KLHL2: variants seen among roughly 807,000 people sequenced by gnomAD.
The protein encoded by KLHL2 is kelch-like protein 2.
A neutral mutation model predicts 75.8 loss-of-function variants in KLHL2; 15 were observed. The ratio of observed to expected loss-of-function variants is 0.20; its 90% CI spans 0.13 to 0.30. The LOEUF is 0.30. Ranked by LOEUF, KLHL2 falls within the 10% of genes least tolerant of loss-of-function variation. The pLI, the probability that KLHL2 is intolerant of heterozygous loss-of-function variation, is 1.00. For missense variants in KLHL2, 381 were observed against 741.0 expected (o/e 0.51, Z 5.64); for synonymous variants, 214 against 251.9 (o/e 0.85, Z 1.42).
rs1252585490 is a variant in KLHL2 at position 165,259,742 on chromosome 4, T to C, written c.382-3455T>C. Among the ~76,000 whole-genome samples the C allele has an allele frequency of 3.3e-5, 5 of 152,222 alleles. No individual in the cohort carries two copies. In the South Asian group the frequency reaches 8.3e-4, roughly 25 times the overall value. On this transcript the variant is annotated intron_variant, in intron 4 of 14. Coordinates refer to ENST00000226725, the MANE Select transcript of KLHL2 (RefSeq NM_007246.4). ...GACAGTGTTGGAGATTTAGAAATTA[T>C]ACAAATACTTCCATTCTGCACCTAA... is the stretch of plus-strand genomic sequence containing the variant.
At chr4:165,223,839 A>G (rs1336966317) in intron 2 of KLHL2, 1 of 265,786 alleles carries the variant, frequency 3.8e-6, no homozygotes, top group Admixed American at 5.1e-5. Context: ...AGATCTTCAC[A>G]GAATGCTTAT....
chr4:165,240,030 A>G (rs1270201881), intron 4 of KLHL2, among the ~76,000 whole-genome samples: 1 of 152,218 alleles, frequency 6.6e-6, no homozygotes, highest in Non-Finnish European at 1.5e-5. Flanking sequence ...AAAACAGTGC[A>G]ATGAGTGAAC....
At chr4:165,245,716 G>A (rs376992335) in intron 4 of KLHL2, among the ~76,000 whole-genome samples, 2,285 of 152,216 alleles carry the variant, frequency 0.015, 59 homozygotes, top group African/African-American at 0.051. Flanking sequence ...GTTTAGGACC[G>A]AATTGAACTG....
Position 165,319,739 on chromosome 4 carries a change from A to G in KLHL2, c.1753+1770A>G, listed in dbSNP as rs1443810771. ...CAGATTCAAACGATTCTCATGCCTC[A>G]GCTTCCTGAGTAGCTGGGATTACAG... On this transcript the variant is annotated intron_variant, in intron 14 of 14. Coordinates refer to ENST00000226725, the MANE Select transcript of KLHL2 (RefSeq NM_007246.4). The surrounding 1 kb of genome is among the most constrained non-coding windows in gnomAD (Gnocchi z 4.5). Among the ~76,000 whole-genome samples, 1 of 152,196 alleles carries G rather than the reference A, an allele frequency of 6.6e-6. No individual in the cohort carries two copies. The highest frequency in any genetic ancestry group is 1.5e-5 in the Non-Finnish European group (1 of 68,034).
chr4:165,309,824 C>T (rs564041743), intron 9 of KLHL2, among the ~76,000 whole-genome samples: 1 of 152,236 alleles, frequency 6.6e-6, no homozygotes, highest in South Asian at 2.1e-4. Flanking sequence ...AGCCCACTAA[C>T]ATGATAAACT....
At chr4:165,240,684 G>A (rs540740480) in intron 4 of KLHL2, among the ~76,000 whole-genome samples, 2 of 152,150 alleles carry the variant, frequency 1.3e-5, no homozygotes, top group South Asian at 4.1e-4. Flanking sequence ...GTTTATCTTG[G>A]TTTCTTTTTG....
chr4:165,292,861 A>T (rs910549691), intron 5 of KLHL2, among the ~76,000 whole-genome samples: 2 of 152,212 alleles, frequency 1.3e-5, no homozygotes, highest in African/African-American at 4.8e-5. Context: ...AAATTAACCT[A>T]GATTTTCTAG....
At chr4:165,211,350 TA>T (rs1483645745) in intron 1 of KLHL2, among the ~76,000 whole-genome samples, 1 of 152,222 alleles carries the variant, frequency 6.6e-6, no homozygotes, top group East Asian at 1.9e-4. Context: ...GGATTGTCTT[TA>T]AATTTAAAAA....
chr4:165,251,970 T>C (rs1740772265), intron 4 of KLHL2, among the ~76,000 whole-genome samples: 1 of 152,208 alleles, frequency 6.6e-6, no homozygotes, highest in African/African-American at 2.4e-5. Flanking sequence ...GAAGCGTTAG[T>C]AATTGAGTTA....
chr4:165,223,025 A>C (rs1345809743), intron 2 of KLHL2, among the ~76,000 whole-genome samples: 1 of 152,266 alleles, frequency 6.6e-6, no homozygotes, highest in Non-Finnish European at 1.5e-5. Flanking sequence ...AAGTTACAGA[A>C]TTAAAATTGT....
chr4:165,302,449 A>G (rs1464089703), intron 8 of KLHL2, among the ~76,000 whole-genome samples: 1 of 152,222 alleles, frequency 6.6e-6, no homozygotes, highest in African/African-American at 2.4e-5. Context: ...CAAGGTTTTG[A>G]TAATATTTTA....
At chr4:165,261,199 A>T (rs1179940099) in intron 4 of KLHL2, among the ~76,000 whole-genome samples, 1 of 152,246 alleles carries the variant, frequency 6.6e-6, no homozygotes, top group Admixed American at 6.5e-5. Flanking sequence ...GCGCAATTAC[A>T]CTGGCATGGA....
intron 13 of KLHL2, among the ~76,000 whole-genome samples, chr4:165,316,189 C>G (rs1746576078): frequency 6.6e-6 from 1 of 152,166 alleles, no homozygotes. Flanking sequence ...GATGTATGGA[C>G]CAACCTCCCT....
intron 4 of KLHL2, among the ~76,000 whole-genome samples, chr4:165,239,993 A>G (rs1231928395): frequency 6.6e-6 from 1 of 152,126 alleles, no homozygotes; most frequent in Non-Finnish European, 1.5e-5. Flanking sequence ...AGCTATATAT[A>G]TATATGTATG....
intron 1 of KLHL2, among the ~76,000 whole-genome samples, chr4:165,209,089 A>G (rs147836297): frequency 6.6e-6 from 1 of 152,286 alleles, no homozygotes; most frequent in African/African-American, 2.4e-5. Flanking sequence ...TCTAGGGGGT[A>G]GATAAGACTC....
chr4:165,273,169 CCTTTT>C (rs1163930781), intron 5 of KLHL2, among the ~76,000 whole-genome samples: 1 of 152,140 alleles, frequency 6.6e-6, no homozygotes, highest in African/African-American at 2.4e-5. Context: ...ACTCCCCTTC[CCTTTT>C]TTTTATATGC....
At chr4:165,275,805 C>T (rs946873941) in intron 5 of KLHL2, among the ~76,000 whole-genome samples, 3 of 152,176 alleles carry the variant, frequency 2.0e-5, no homozygotes, top group Admixed American at 6.5e-5. Flanking sequence ...CAGCATTCCT[C>T]AGTAACAGGA....
At chr4:165,253,435 GA>G in intron 4 of KLHL2, among the ~76,000 whole-genome samples, 1 of 152,278 alleles carries the variant, frequency 6.6e-6, no homozygotes, top group African/African-American at 2.4e-5. Flanking sequence ...AGGGCATAAT[GA>G]CAGGAAAAAA....
At chr4:165,252,836 C>A (rs1252724696) in intron 4 of KLHL2, among the ~76,000 whole-genome samples, 3 of 152,196 alleles carry the variant, frequency 2.0e-5, no homozygotes, top group East Asian at 3.9e-4. Flanking sequence ...TATTTCATGG[C>A]TTATAAATGC....
Sources: gnomAD v4.1 joint callset for allele counts (sites outside exome capture counted in the v4.1 genomes callset) on GRCh38, gnomAD v4.1.1 for gene constraint, Gnocchi (gnomAD v3.1) non-coding constraint, MANE v1.5 for transcripts, NCBI Gene and HGNC (gene_info 2026-07-23, HGNC 2026-07-21) for gene names.